The following PKP4 variants were observed in gnomAD, a reference collection of about 807,000 sequenced individuals.
PKP4 encodes plakophilin-4.
A neutral mutation model predicts 145.1 loss-of-function variants in PKP4; 90 were observed. The ratio of observed to expected loss-of-function variants is 0.62; its 90% CI spans 0.52 to 0.74. PKP4 has a LOEUF of 0.74. PKP4 is among the 30% of genes least tolerant of loss of function. The probability of loss-of-function intolerance (pLI) is 0.00; values close to 1 mark genes in which losing one functional copy is unlikely to be tolerated. For synonymous variants in PKP4, 563 were observed against 577.2 expected, an observed-to-expected ratio of 0.98 and a Z score of 0.35; for missense variants, 1,340 against 1,482.7, an observed-to-expected ratio of 0.90 and a Z score of 1.58.
intron 1 of PKP4, among the ~76,000 whole-genome samples, chr2:158,500,676 C>A (rs1406537769): frequency 1.3e-5 from 2 of 152,200 alleles, no homozygotes; most frequent in African/African-American, 4.8e-5. Flanking sequence ...AGCCCTCTTA[C>A]ATTGTTGGCC....
At chr2:158,555,202 G>T (rs1574460847) in intron 2 of PKP4, among the ~76,000 whole-genome samples, 2 of 152,308 alleles carry the variant, frequency 1.3e-5, no homozygotes, top group East Asian at 1.9e-4. Flanking sequence ...TGTAAATTAT[G>T]AGTGCTTATA....
intron 1 of PKP4, among the ~76,000 whole-genome samples, chr2:158,531,611 C>T (rs974829467): frequency 1.3e-5 from 2 of 152,068 alleles, no homozygotes; most frequent in African/African-American, 4.8e-5. Context: ...TCCACATACA[C>T]TAAAAAATAT....
chr2:158,473,683 G>A (rs1473621081), intron 1 of PKP4, among the ~76,000 whole-genome samples: 1 of 151,592 alleles, frequency 6.6e-6, no homozygotes, highest in Non-Finnish European at 1.5e-5. Context: ...AGAGGGGGCG[G>A]AAAAGGTAAC....
chr2:158,662,048 G>T (rs574357946), intron 13 of PKP4, among the ~76,000 whole-genome samples: 1 of 152,290 alleles, frequency 6.6e-6, no homozygotes. Flanking sequence ...GAGGAAAGTG[G>T]AAAGAACAGG....
At chr2:158,552,794 A>G (rs933387275) in intron 2 of PKP4, among the ~76,000 whole-genome samples, 12 of 152,214 alleles carry the variant, frequency 7.9e-5, no homozygotes, top group East Asian at 1.9e-4. Flanking sequence ...CTAAAAACCA[A>G]TGTACATGCG....
chr2:158,480,571 A>G (rs1032619222), intron 1 of PKP4, among the ~76,000 whole-genome samples: 3 of 151,172 alleles, frequency 2.0e-5, no homozygotes, highest in Admixed American at 1.3e-4. Context: ...AGTTGTTTCT[A>G]CTTACAGAAA....
At chr2:158,461,537 G>T (rs1347297928) in intron 1 of PKP4, among the ~76,000 whole-genome samples, 2 of 152,150 alleles carry the variant, frequency 1.3e-5, no homozygotes, top group Non-Finnish European at 2.9e-5. Flanking sequence ...GTTATTGTAA[G>T]TCATGTGATT....
intron 1 of PKP4, among the ~76,000 whole-genome samples, chr2:158,504,514 G>A (rs1697034260): frequency 6.6e-6 from 1 of 152,160 alleles, no homozygotes. Context: ...CCTTCTATTA[G>A]GAAGAGAGGA....
intron 4 of PKP4, among the ~76,000 whole-genome samples, chr2:158,616,087 A>G (rs529538602): frequency 2.0e-5 from 3 of 152,336 alleles, no homozygotes; most frequent in South Asian, 4.1e-4. Context: ...AACTCCAAGT[A>G]TGTGTAATAT....
At chr2:158,493,335 T>C (rs1695222955) in intron 1 of PKP4, among the ~76,000 whole-genome samples, 1 of 152,238 alleles carries the variant, frequency 6.6e-6, no homozygotes, top group Non-Finnish European at 1.5e-5. Flanking sequence ...AAATAGTTTC[T>C]CATCGTTTTT....
At chr2:158,634,819 A>G (rs72942740) in intron 9 of PKP4, among the ~76,000 whole-genome samples, 29,663 of 152,210 alleles carry the variant, frequency 0.19, 3,703 homozygotes, top group Middle Eastern at 0.36. Flanking sequence ...AAGAAATTCT[A>G]TCTAATAAGC....
intron 1 of PKP4, among the ~76,000 whole-genome samples, chr2:158,484,974 A>T (rs1277039718): frequency 2.0e-5 from 3 of 152,228 alleles, no homozygotes; most frequent in Non-Finnish European, 4.4e-5. Context: ...ATCTCACCTC[A>T]GTATACCTCA....
Position 158,625,197 on chromosome 2 carries a change from C to T in PKP4, c.923C>T (p.Thr308Ile), listed in dbSNP as rs868584681. ...NPNGPTPQYQ[T>I]TARVGSPLTL... is the part of the protein sequence containing the mutation. ...AACGGACCAACCCCTCAATACCAAACCACCGCCAGAGTGGGGTCCCCACTG... is the reference window on the plus strand; with the variant it reads ...AACGGACCAACCCCTCAATACCAAATCACCGCCAGAGTGGGGTCCCCACTG... The change falls in exon 7 of 22, where the codon ACC (threonine) becomes ATC (isoleucine). Residue 308 changes from threonine to isoleucine, a missense_variant. Transcript: ENST00000389759. 6.2e-7 allele frequency: 1 copy of T among 1,614,056 alleles called. No individual in the cohort carries two copies. The highest frequency in any genetic ancestry group is 1.3e-5 in the African/African-American group (1 of 74,928).
intron 2 of PKP4, among the ~76,000 whole-genome samples, chr2:158,559,158 C>A (rs2046324129): frequency 6.6e-6 from 1 of 152,176 alleles, no homozygotes; most frequent in Admixed American, 6.5e-5. Flanking sequence ...GCAAAAATTG[C>A]CCAGTGAAGT....
chr2:158,494,943 G>A (rs999388451), intron 1 of PKP4, among the ~76,000 whole-genome samples: 3 of 152,034 alleles, frequency 2.0e-5, no homozygotes, highest in African/African-American at 7.3e-5. Context: ...AGGTGGCCGG[G>A]CGCGGTGGCT....
At chr2:158,477,658 A>G (rs2105424186) in intron 1 of PKP4, among the ~76,000 whole-genome samples, 1 of 152,332 alleles carries the variant, frequency 6.6e-6, no homozygotes, top group Admixed American at 6.5e-5. Context: ...GCTGAAGTCC[A>G]ATTTCCTGGC....
chr2:158,468,494 A>G (rs1041046469), intron 1 of PKP4, among the ~76,000 whole-genome samples: 7 of 152,148 alleles, frequency 4.6e-5, no homozygotes, highest in African/African-American at 9.7e-5. Context: ...TTAATTTTCT[A>G]TAACAATATT....
intron 2 of PKP4, among the ~76,000 whole-genome samples, chr2:158,557,450 T>C (rs565824320): frequency 6.6e-6 from 1 of 152,182 alleles, no homozygotes; most frequent in East Asian, 1.9e-4. Flanking sequence ...ATTATATACA[T>C]GCAAGGTTTC....
rs143279854 is a variant in PKP4, at chr2:158,507,156, C to G, written c.-5-26024C>G. Among the ~76,000 whole-genome samples the G allele has an allele frequency of 5.0e-3, 767 of 152,308 alleles. 4 individuals carry two copies. The highest frequency in any genetic ancestry group is 9.1e-3 in the Non-Finnish European group (620 of 68,032). On this transcript the variant is annotated intron_variant, in intron 1 of 21. Coordinates refer to ENST00000389759, the MANE Select transcript of PKP4 (RefSeq NM_003628.6). ...ATGTTTTTATGTTCTATACCTCTCT[C>G]TTGCTCCATATATTTTGCAGTGGTG...
Sources: allele counts gnomAD v4.1 joint callset (sites outside exome capture counted in the v4.1 genomes callset), GRCh38; gene constraint gnomAD v4.1.1; transcripts MANE v1.5; gene names NCBI Gene and HGNC (gene_info 2026-07-23, HGNC 2026-07-21).